IL1RAPL1: variants seen among roughly 807,000 people sequenced by gnomAD.
IL1RAPL1 encodes interleukin-1 receptor accessory protein-like 1.
A neutral mutation model predicts 48.4 loss-of-function variants in IL1RAPL1; 3 were observed. That is an observed-to-expected ratio of 0.06 (90% CI 0.03 to 0.16). The LOEUF (loss-of-function observed/expected upper bound fraction) is 0.16, where lower values mean the gene tolerates loss of function less well. IL1RAPL1 is among the 10% of genes least tolerant of loss of function. IL1RAPL1 has a pLI of 1.00. For synonymous variants in IL1RAPL1, 185 were observed against 187.7 expected, an observed-to-expected ratio of 0.99 and a Z score of 0.12; for missense variants, 349 against 530.6, an observed-to-expected ratio of 0.66 and a Z score of 3.36.
chrX:29,032,743 G>GCACA (rs34159057), intron 2 of IL1RAPL1, among the ~76,000 whole-genome samples: 14 of 105,650 alleles, frequency 1.3e-4, no homozygotes, highest in Non-Finnish European at 1.8e-4. Context: ...ACGTGGGCAT[G>GCACA]CACACACACA....
At chrX:29,222,969 ACT>A (rs1308091427) in intron 2 of IL1RAPL1, among the ~76,000 whole-genome samples, 2 of 110,854 alleles carry the variant, frequency 1.8e-5, no homozygotes, top group African/African-American at 3.3e-5. Context: ...CTATTCAGAA[ACT>A]CTGATAGCAT....
chrX:29,839,305 T>C (rs975976743), intron 6 of IL1RAPL1, among the ~76,000 whole-genome samples: 2 of 112,167 alleles, frequency 1.8e-5, no homozygotes, highest in African/African-American at 6.5e-5. Context: ...ACCTGGCACA[T>C]TGGAGACACA....
At chrX:29,393,415 C>T (rs1055027306) in intron 3 of IL1RAPL1, among the ~76,000 whole-genome samples, 6 of 112,065 alleles carry the variant, frequency 5.4e-5, no homozygotes, top group Non-Finnish European at 9.4e-5. Flanking sequence ...GCCACCGCGC[C>T]CTGCCAACTT....
chrX:29,380,277 G>T (rs1280514283), intron 3 of IL1RAPL1, among the ~76,000 whole-genome samples: 4 of 111,769 alleles, frequency 3.6e-5, no homozygotes, highest in Non-Finnish European at 7.5e-5. Flanking sequence ...GCCCAGGCTG[G>T]AGTGCAATGG....
chrX:28,719,533 T>A (rs998200539), intron 1 of IL1RAPL1, among the ~76,000 whole-genome samples: 5 of 110,365 alleles, frequency 4.5e-5, no homozygotes, highest in East Asian at 5.7e-4. Flanking sequence ...CAGTTTTTTT[T>A]TAAATGTAAG....
intron 3 of IL1RAPL1, among the ~76,000 whole-genome samples, chrX:29,322,339 C>T (rs943683595): frequency 3.7e-5 from 4 of 109,221 alleles, no homozygotes; most frequent in Admixed American, 9.8e-5. Flanking sequence ...CCAGCTCGGC[C>T]CACTGCAACC....
chrX:29,419,346 G>A (rs1047316017), intron 5 of IL1RAPL1, among the ~76,000 whole-genome samples: 8 of 108,663 alleles, frequency 7.4e-5, no homozygotes, highest in African/African-American at 2.7e-4. Context: ...TTGAGCCAGA[G>A]TTTCGCTCTT....
At chrX:29,197,707 ATTT>A (rs201963010) in intron 2 of IL1RAPL1, among the ~76,000 whole-genome samples, 5,477 of 93,730 alleles carry the variant, frequency 0.058, 120 homozygotes, top group South Asian at 0.15. Flanking sequence ...TTCAGTGAGA[ATTT>A]TTTTTTTTTT....
At chrX:29,768,882 T>A (rs1227040615) in intron 6 of IL1RAPL1, among the ~76,000 whole-genome samples, 1 of 111,745 alleles carries the variant, frequency 8.9e-6, no homozygotes, top group African/African-American at 3.3e-5. Flanking sequence ...GTATGAAATT[T>A]AGTGGAGGAT....
intron 6 of IL1RAPL1, among the ~76,000 whole-genome samples, chrX:29,836,448 C>T (rs1327076703): frequency 2.7e-5 from 3 of 111,655 alleles, no homozygotes; most frequent in Non-Finnish European, 3.8e-5. Flanking sequence ...CTTGGCCTCC[C>T]AAAGTGCTGG....
At chrX:29,361,938 G>C (rs190974130) in intron 3 of IL1RAPL1, among the ~76,000 whole-genome samples, 162 of 112,095 alleles carry the variant, frequency 1.4e-3, no homozygotes, top group African/African-American at 4.6e-3. Flanking sequence ...CAGTTTAATT[G>C]CTTTGGATTA....
In IL1RAPL1 at chrX:28,618,048, C is replaced by T. The variant is rs149545804; in HGVS notation, c.-25+30001C>T. Among the ~76,000 whole-genome samples the T allele has an allele frequency of 7.7e-3, 857 of 111,915 alleles. 8 individuals are homozygous for T. Among genetic ancestry groups the T allele is most frequent in the African/African-American group, 0.026 (812 of 30,780 alleles). On this transcript the variant is annotated intron_variant, in intron 1 of 10. Coordinates refer to ENST00000378993, the MANE Select transcript of IL1RAPL1 (RefSeq NM_014271.4). Reference sequence around the variant, plus strand: ...TTTGACATCTCCATTTTTCTTGAACCTACAGGGGTAAGTGAGCACTGCATG... The same window carrying T: ...TTTGACATCTCCATTTTTCTTGAACTTACAGGGGTAAGTGAGCACTGCATG...
intron 1 of IL1RAPL1, among the ~76,000 whole-genome samples, chrX:28,728,185 T>C (rs1229403723): frequency 8.9e-6 from 1 of 112,275 alleles, no homozygotes; most frequent in Non-Finnish European, 1.9e-5. Context: ...CAGATAACAC[T>C]GTACAGTTAT....
chrX:29,296,445 C>T (rs1932450934), intron 3 of IL1RAPL1, among the ~76,000 whole-genome samples: 1 of 111,067 alleles, frequency 9.0e-6, no homozygotes, highest in African/African-American at 3.3e-5. Context: ...GACTCAATAT[C>T]CTATTTCTGT....
At chrX:29,171,918 CTG>C (rs1398774175) in intron 2 of IL1RAPL1, among the ~76,000 whole-genome samples, 1 of 111,978 alleles carries the variant, frequency 8.9e-6, no homozygotes, top group East Asian at 2.8e-4. Flanking sequence ...GGCTTCTTAA[CTG>C]AGAGAATGAA....
In IL1RAPL1 at chrX:29,404,201, A is replaced by G. The variant is rs1209769326; in HGVS notation, c.703+4893A>G. ...GTTTCACTGCCCTAAAAAAGACTCT[A>G]CACTTCATATGTTCAGCCCTTCTTT... On this transcript the variant is annotated intron_variant, in intron 5 of 10. Coordinates refer to ENST00000378993, the MANE Select transcript of IL1RAPL1 (RefSeq NM_014271.4). 2.7e-5 allele frequency among the ~76,000 whole-genome samples: 3 copies of G among 112,034 alleles called. No homozygotes were observed. The East Asian group carries it at 8.4e-4, about 31-fold the overall frequency.
intron 6 of IL1RAPL1, among the ~76,000 whole-genome samples, chrX:29,748,390 T>C (rs1009530648): frequency 8.9e-6 from 1 of 112,106 alleles, no homozygotes; most frequent in Non-Finnish European, 1.9e-5. Context: ...ATAATAGAGG[T>C]ATGCAATTAG....
At chrX:28,630,715 G>T (rs1260311577) in intron 1 of IL1RAPL1, among the ~76,000 whole-genome samples, 1 of 112,410 alleles carries the variant, frequency 8.9e-6, no homozygotes, top group African/African-American at 3.2e-5. Context: ...GGCTGAGAGT[G>T]AATGATTTCA....
intron 6 of IL1RAPL1, among the ~76,000 whole-genome samples, chrX:29,904,594 TCA>T (rs1932570329): frequency 9.0e-6 from 1 of 110,811 alleles, no homozygotes; most frequent in African/African-American, 3.3e-5. Context: ...ATTTTTCAGC[TCA>T]CACTTATCAG....
Sources: gnomAD v4.1 joint callset for allele counts (sites outside exome capture counted in the v4.1 genomes callset) on GRCh38, gnomAD v4.1.1 for gene constraint, MANE v1.5 for transcripts, NCBI Gene and HGNC (gene_info 2026-07-23, HGNC 2026-07-21) for gene names.